ZFHX3: variants seen among roughly 807,000 people sequenced by gnomAD.
ZFHX3 encodes the protein zinc finger homeobox 3.
Under a neutral mutation model 279.1 loss-of-function variants are expected in ZFHX3, and 42 were observed. The ratio of observed to expected loss-of-function variants is 0.15; its 90% confidence interval spans 0.12 to 0.19. ZFHX3 has a LOEUF of 0.19. Among genes scored for constraint, ZFHX3 ranks in the 10% least tolerant of loss-of-function variants. ZFHX3 has a pLI of 1.00. For synonymous variants in ZFHX3, 2,293 were observed against 1,957.8 expected, an observed-to-expected ratio of 1.17 and a Z score of -4.52; for missense variants, 4,981 against 4,754.0, an observed-to-expected ratio of 1.05 and a Z score of -1.40.
At chr16:73,683,176 A>C (rs117764126) in intron 1 of ZFHX3, among the ~76,000 whole-genome samples, 1 of 152,290 alleles carries the variant, frequency 6.6e-6, no homozygotes, top group Non-Finnish European at 1.5e-5. Flanking sequence ...CTATTTAAAA[A>C]CCATCAGCGA....
At position 73,403,618 on chromosome 16, in the gene ZFHX3, A is replaced by G. The variant is rs146350273; in HGVS notation, c.-1291+52385T>C. ...AACACAAATTTGCTGTGACACTTCA[A>G]AAGTACCGTGGAGTTGAACAATAGG... is the stretch of plus-strand genomic sequence containing the variant. On this transcript the variant is annotated intron_variant, in intron 3 of 17. Transcript: ENST00000641206. Among the ~76,000 whole-genome samples the G allele has an allele frequency of 4.9e-3, 746 of 152,334 alleles. 1 individual carries two copies. The highest frequency in any genetic ancestry group is 8.4e-3 in the Non-Finnish European group (569 of 68,036).
chr16:72,838,207 C>T (rs1358638453), intron 4 of ZFHX3, among the ~76,000 whole-genome samples: 2 of 152,272 alleles, frequency 1.3e-5, no homozygotes, highest in Non-Finnish European at 2.9e-5. Flanking sequence ...CTGAAAGCAA[C>T]TCTGGGTATT....
intron 2 of ZFHX3, among the ~76,000 whole-genome samples, chr16:73,570,208 A>T (rs1465563935): frequency 6.6e-6 from 1 of 152,184 alleles, no homozygotes; most frequent in Non-Finnish European, 1.5e-5. Flanking sequence ...TACCCAAAAA[A>T]AGTTAACATA....
intron 4 of ZFHX3, among the ~76,000 whole-genome samples, chr16:73,272,478 A>C (rs1456583249): frequency 6.6e-6 from 1 of 152,208 alleles, no homozygotes; most frequent in Non-Finnish European, 1.5e-5. Flanking sequence ...AGAAGGAAGG[A>C]AGAGAAAATC....
chr16:72,911,755 C>A (rs1247941567), intron 3 of ZFHX3, among the ~76,000 whole-genome samples: 2 of 152,206 alleles, frequency 1.3e-5, no homozygotes, highest in African/African-American at 4.8e-5. Flanking sequence ...GGCCACCACG[C>A]TGGACAGCAC....
chr16:73,770,537 C>T (rs1048742431), intron 1 of ZFHX3, among the ~76,000 whole-genome samples: 2 of 151,994 alleles, frequency 1.3e-5, no homozygotes, highest in East Asian at 3.9e-4. Context: ...CAATGTCAAA[C>T]AAAACATTTA....
intron 5 of ZFHX3, among the ~76,000 whole-genome samples, chr16:73,166,622 T>C (rs998534640): frequency 3.9e-5 from 6 of 152,144 alleles, no homozygotes. Context: ...GTTACCCTTG[T>C]CAGGTTAATT....
intron 5 of ZFHX3, among the ~76,000 whole-genome samples, chr16:73,237,292 G>A (rs1404615390): frequency 6.6e-6 from 1 of 152,140 alleles, no homozygotes; most frequent in Non-Finnish European, 1.5e-5. Context: ...GTCTTGCTGT[G>A]TTGTCCACGC....
chr16:72,875,526 G>A (rs1418171209), intron 4 of ZFHX3, among the ~76,000 whole-genome samples: 1 of 152,252 alleles, frequency 6.6e-6, no homozygotes, highest in Non-Finnish European at 1.5e-5. Flanking sequence ...AAGCCTCAGT[G>A]CAGTTTCTAC....
intron 3 of ZFHX3, 50 bp from the exon 4 acceptor site, chr16:72,890,012 G>A (rs751127627): frequency 1.2e-5 from 18 of 1,531,868 alleles, no homozygotes; most frequent in African/African-American, 2.7e-5. Flanking sequence ...CACTCGAAGC[G>A]GCCACTGGCA....
At chr16:73,065,708 A>G (rs1965742825) in intron 8 of ZFHX3, among the ~76,000 whole-genome samples, 1 of 151,966 alleles carries the variant, frequency 6.6e-6, no homozygotes, top group African/African-American at 2.4e-5. Context: ...GCCCCAGAAA[A>G]CATCTGCGAT....
chr16:73,229,856 T>G (rs2012717725), intron 5 of ZFHX3, among the ~76,000 whole-genome samples: 1 of 152,184 alleles, frequency 6.6e-6, no homozygotes, highest in South Asian at 2.1e-4. Flanking sequence ...ACCTTAAAAA[T>G]GATTGAGAAT....
intron 5 of ZFHX3, among the ~76,000 whole-genome samples, chr16:73,160,851 C>T (rs1011798012): frequency 6.8e-6 from 1 of 146,086 alleles, no homozygotes; most frequent in African/African-American, 2.5e-5. Flanking sequence ...ATTAGATGTA[C>T]ACTGCTGTGG....
chr16:73,105,444 C>CATATATATATATATACACACACACAT (rs756088886), intron 7 of ZFHX3, among the ~76,000 whole-genome samples: 1 of 125,512 alleles, frequency 8.0e-6, no homozygotes, highest in Non-Finnish European at 1.7e-5. Context: ...CACACACACA[C>CATATATATATATATACACACACACAT]ATATATATAT....
chr16:72,955,129 G>A (rs1332034642), intron 2 of ZFHX3, among the ~76,000 whole-genome samples: 1 of 152,166 alleles, frequency 6.6e-6, no homozygotes, highest in Non-Finnish European at 1.5e-5. Flanking sequence ...TCGAGCTTCT[G>A]GCATAAAGGA....
chr16:72,910,204 C>T (rs981566354), intron 3 of ZFHX3, among the ~76,000 whole-genome samples: 1 of 152,164 alleles, frequency 6.6e-6, no homozygotes, highest in African/African-American at 2.4e-5. Context: ...TTTGAACGAA[C>T]CTAGTGATGG....
chr16:73,675,995 A>C (rs1049186107), intron 2 of ZFHX3, among the ~76,000 whole-genome samples: 1 of 152,124 alleles, frequency 6.6e-6, no homozygotes, highest in African/African-American at 2.4e-5. Context: ...GTGTGAACTC[A>C]GAAAACGTAC....
chr16:72,787,679 C>A lies in ZFHX3; in HGVS notation c.10597G>T (p.Ala3533Ser), dbSNP rs1334938749. The change falls in exon 10 of 10, where the codon GCG (alanine) becomes TCG (serine). Residue 3533 changes from alanine to serine, a missense_variant. Around this residue, in one of 7 missense-constraint regions of ZFHX3, gnomAD observed 1,034 missense variants for 786.0 expected, o/e 1.32. Transcript: ENST00000268489. The part of the protein sequence containing the change: ...GGGGGSYHCL[A>S]CESALCGEEA... ...TCCCCACAGAGCGCGCTCTCGCACG[C>A]CAGGCAGTGGTACGAGCCGCCGCCG... The A allele has an allele frequency of 6.5e-7, 1 of 1,539,944 alleles. No individual in the cohort carries two copies. Among genetic ancestry groups the A allele is most frequent in the South Asian group, 1.3e-5 (1 of 79,724 alleles).
At chr16:73,589,835 TA>T (rs570547661) in intron 2 of ZFHX3, among the ~76,000 whole-genome samples, 5 of 136,694 alleles carry the variant, frequency 3.7e-5, no homozygotes, top group African/African-American at 5.3e-5. Flanking sequence ...AGCAATAAAC[TA>T]GAAATGCAAT....
Sources: allele counts gnomAD v4.1 joint callset (sites outside exome capture counted in the v4.1 genomes callset), GRCh38; gene constraint gnomAD v4.1.1; regional missense constraint gnomAD v4.1.1; transcripts MANE v1.5; gene names NCBI Gene and HGNC (gene_info 2026-07-23, HGNC 2026-07-21).